FGFR1: variants seen among roughly 807,000 people sequenced by gnomAD.
FGFR1 encodes fibroblast growth factor receptor 1, also known as FGFR1/PLAG1 fusion.
In FGFR1, 18 loss-of-function variants were observed where a neutral mutation model predicts 93.7. The observed-to-expected ratio is 0.19, with a 90% CI of 0.13 to 0.28. FGFR1 has a LOEUF of 0.28. Among genes scored for constraint, FGFR1 ranks in the 10% least tolerant of loss-of-function variants. FGFR1 has a pLI of 1.00. For synonymous variants in FGFR1, 448 were observed against 429.3 expected (o/e 1.04, Z -0.54); for missense variants, 731 against 1,080.4 (o/e 0.68, Z 4.53).
Position 38,413,766 on chromosome 8 carries a change from G to C in FGFR1, c.2331C>G (p.Ser777=), listed in dbSNP as rs763571736. 30 of 1,614,118 alleles carry C rather than the reference G, an allele frequency of 1.9e-5. No homozygotes were observed. In the Admixed American group the frequency reaches 4.7e-4, roughly 25 times the overall value. ...AGCTCCGGGTGTCGGGAAAGCTGGGGGAGTACTGGTCCAGGGGCATGGACA... is the reference window on the plus strand; with the variant it reads ...AGCTCCGGGTGTCGGGAAAGCTGGGCGAGTACTGGTCCAGGGGCATGGACA... ...LDLSMPLDQY[S]PSFPDTRSST... The change falls in exon 18 of 18, where the codon TCC becomes TCG. Residue 777 remains serine, a synonymous_variant. Coordinates refer to ENST00000447712, the MANE Select transcript of FGFR1 (RefSeq NM_023110.3). This position sits in a 1 kb window ranked among gnomAD's most constrained non-coding sequence, Gnocchi z 4.2.
At chr8:38,425,909 C>T in intron 6 of FGFR1, 1 of 635,840 alleles carries the variant, frequency 1.6e-6, no homozygotes, top group Non-Finnish European at 2.8e-6. Flanking sequence ...TGACAACCAG[C>T]TTTGACCGTG....
At chr8:38,415,776 A>G in intron 13 of FGFR1, 94 bp downstream of exon 13, 2 of 1,287,936 alleles carry the variant, frequency 1.6e-6, no homozygotes, top group East Asian at 2.4e-5. Context: ...GTGCATCCAC[A>G]ACGCCACCAC....
intron 1 of FGFR1, among the ~76,000 whole-genome samples, chr8:38,458,496 G>A (rs1247735684): frequency 3.3e-5 from 5 of 152,060 alleles, no homozygotes; most frequent in African/African-American, 1.2e-4. Flanking sequence ...AGCCGAGATC[G>A]CAGCACTGCA....
In FGFR1 at chr8:38,416,035, A is replaced by G. The variant is rs2150591250; in HGVS notation, c.1689T>C (p.Tyr563=). Residue 563 remains tyrosine (Y), a synonymous_variant, in exon 13 of 18, where the codon TAT becomes TAC. Coordinates refer to ENST00000447712, the MANE Select transcript of FGFR1 (RefSeq NM_023110.3). ...ACTCCCGCAGGTTGCCCTTGGAGGC[A>G]TACTCCACGATGACATACAAGGGAC... is the stretch of plus-strand genomic sequence containing the variant. ...QDGPLYVIVE[Y]ASKGNLREYL... The G allele has an allele frequency of 6.2e-7, 1 of 1,613,256 alleles. No individual in the cohort carries two copies. The highest frequency in any genetic ancestry group is 8.5e-7 in the Non-Finnish European group (1 of 1,179,872).
chr8:38,446,623 C>T (rs1266424457), intron 2 of FGFR1, among the ~76,000 whole-genome samples: 2 of 151,990 alleles, frequency 1.3e-5, no homozygotes, highest in African/African-American at 4.8e-5. Context: ...CCATGTTGCC[C>T]AAGCGGGTCT....
chr8:38,455,038 T>C (rs937208999), intron 2 of FGFR1, among the ~76,000 whole-genome samples: 1 of 147,190 alleles, frequency 6.8e-6, no homozygotes, highest in Non-Finnish European at 1.5e-5. Context: ...TGAAGCGGTG[T>C]GATCATGGCT....
rs1815807373 is a variant in FGFR1 at position 38,414,864 on chromosome 8, A to G, written c.1892T>C (p.Val631Ala). Residue 631 changes from valine to alanine, a missense_variant, in exon 14 of 18, where the codon GTG becomes GCG. Val to Ala is a moderately conservative substitution (Grantham distance 64). This residue lies in a region of FGFR1 where 44 missense variants were observed against 99.9 expected (regional missense o/e 0.44). Transcript: ENST00000447712. ...HRDLAARNVL[V>A]TEDNVMKIAD... ...TATCTTCATCACATTGTCCTCTGTC[A>G]CCAGGACATTCCTGGCTGCCAGGTC... 1.2e-6 allele frequency: 2 copies of G among 1,612,652 alleles called. No individual in the cohort carries two copies. Among genetic ancestry groups the G allele is most frequent in the Non-Finnish European group, 1.7e-6 (2 of 1,179,854 alleles).
chr8:38,464,488 T>G lies in FGFR1; in HGVS notation c.-89+3493A>C, dbSNP rs148590599. ...GGAGAGGGCCCTAAACATGGTTTCT[T>G]TCATTGCAGGGGAGAGATAAATGGT... On this transcript the variant is annotated intron_variant, in intron 1 of 17. Coordinates refer to ENST00000447712, the MANE Select transcript of FGFR1 (RefSeq NM_023110.3). 2.3e-3 allele frequency among the ~76,000 whole-genome samples: 343 copies of G among 152,234 alleles called. 4 individuals carry two copies. Among genetic ancestry groups the G allele is most frequent in the Non-Finnish European group, 3.1e-3 (209 of 68,004 alleles).
In FGFR1 at chr8:38,412,703, ACCCT is replaced by A. The variant is rs1411085275; in HGVS notation, c.*921_*924del. On this transcript the variant is annotated 3_prime_UTR_variant, in exon 18 of 18. Coordinates refer to ENST00000447712, the MANE Select transcript of FGFR1 (RefSeq NM_023110.3). Reference sequence around the variant, plus strand: ...TCCCTTCTTTCCAGTGGACATTCCCACCCTTTTCATACAGCCCATAGATAAATGA... The same window carrying A: ...TCCCTTCTTTCCAGTGGACATTCCCATTTCATACAGCCCATAGATAAATGA... 1 of 233,176 alleles carries A rather than the reference ACCCT, an allele frequency of 4.3e-6. No homozygotes were observed. Among genetic ancestry groups the A allele is most frequent in the Admixed American group, 5.6e-5 (1 of 17,764 alleles). The allele number at this position is 233,176 out of a possible 1,614,324, so 14.4% of individuals were successfully genotyped here.
chr8:38,420,924 A>G (rs567375975), intron 8 of FGFR1, among the ~76,000 whole-genome samples: 1 of 152,212 alleles, frequency 6.6e-6, no homozygotes, highest in African/African-American at 2.4e-5. Context: ...TTGGGAGCAC[A>G]TGGGGAGCAC....
intron 2 of FGFR1, among the ~76,000 whole-genome samples, chr8:38,432,820 T>C (rs561898965): frequency 5.9e-5 from 9 of 151,856 alleles, no homozygotes; most frequent in African/African-American, 1.7e-4. Flanking sequence ...TCCACATCCC[T>C]GCCTCACCTT....
At chr8:38,441,212 G>A (rs1827343106) in intron 2 of FGFR1, among the ~76,000 whole-genome samples, 1 of 152,186 alleles carries the variant, frequency 6.6e-6, no homozygotes, top group Non-Finnish European at 1.5e-5. Flanking sequence ...AAAGGATAAC[G>A]CAGCCTGAGA....
rs4647905 is a variant in FGFR1, at chr8:38,415,024, C to G, written c.1855-123G>C. ...GAACTTCTGCCACACTGCTCTGCCC[C>G]CCGAACCTTTGCTTTCCCTCTTCTA... On this transcript the variant is annotated intron_variant, in intron 13 of 17. Coordinates refer to ENST00000447712, the MANE Select transcript of FGFR1 (RefSeq NM_023110.3). 147,727 of 730,200 alleles carry G rather than the reference C, an allele frequency of 0.2. 15,996 individuals carry two copies. The highest frequency in any genetic ancestry group is 0.31 in the East Asian group (11,648 of 37,358). 45.2% of individuals were successfully genotyped at this position (730,200 alleles called of 1,614,324 possible).
intron 1 of FGFR1, 158 bp downstream of exon 1, chr8:38,467,823 G>A: frequency 4.3e-6 from 1 of 232,600 alleles, no homozygotes; most frequent in Non-Finnish European, 8.5e-6. Context: ...GATCGCCCGG[G>A]AGGGAGCCAG....
rs193226682 is a variant in FGFR1 at position 38,432,343 on chromosome 8, G to A, written c.92-2395C>T. On this transcript the variant is annotated intron_variant, in intron 2 of 17. Coordinates refer to ENST00000447712, the MANE Select transcript of FGFR1 (RefSeq NM_023110.3). ...TCCTCCTGATGCAAGTTTAGACCCC[G>A]GTTCCCTTCCAAACGTGGCTCAGGT... is the stretch of plus-strand genomic sequence containing the variant. Among the ~76,000 whole-genome samples the A allele has an allele frequency of 1.1e-4, 16 of 151,968 alleles. No homozygotes were observed. The East Asian group carries it at 2.7e-3, about 26-fold the overall frequency.
chr8:38,450,556 T>G (rs1013507576), intron 2 of FGFR1, among the ~76,000 whole-genome samples: 1 of 152,144 alleles, frequency 6.6e-6, no homozygotes, highest in African/African-American at 2.4e-5. Context: ...TGCTTCTGCC[T>G]GGCCAGGAGC....
At chr8:38,414,933 G>A (rs2150566974) in intron 13 of FGFR1, 32 bp from the exon 14 acceptor site, 1 of 1,594,150 alleles carries the variant, frequency 6.3e-7, no homozygotes, top group Non-Finnish European at 8.6e-7. Context: ...GCGGGAGGCG[G>A]GGAGGTGAGG....
In FGFR1 at chr8:38,412,978, C is replaced by T. The variant is rs1383938043; in HGVS notation, c.*650G>A. ...ATGTAAATATATACTCAGATTTATA[C>T]ACTTTGTGTTTTCTTCATAGCTATA... On this transcript the variant is annotated 3_prime_UTR_variant, in exon 18 of 18. Transcript: ENST00000447712. The T allele has an allele frequency of 4.3e-6, 1 of 233,384 alleles. No individual in the cohort carries two copies. The highest frequency in any genetic ancestry group is 8.5e-6 in the Non-Finnish European group (1 of 117,924). The allele number at this position is 233,384 out of a possible 1,614,324, so 14.5% of individuals were successfully genotyped here.
chr8:38,419,276 CA>C lies in FGFR1; in HGVS notation c.1284+256del, dbSNP rs17176009. 0.042 allele frequency among the ~76,000 whole-genome samples: 6,405 copies of C among 152,264 alleles called. 223 individuals are homozygous for C. The highest frequency in any genetic ancestry group is 0.1 in the Admixed American group (1,526 of 15,294). On this transcript the variant is annotated intron_variant, in intron 9 of 17. Coordinates refer to ENST00000447712, the MANE Select transcript of FGFR1 (RefSeq NM_023110.3). ...CATGCTATTGGCTGCACATTCTGTC[CA>C]AATAGGACTTCCTCCCAATCCATGT...
Sources: gnomAD v4.1 joint callset for allele counts (sites outside exome capture counted in the v4.1 genomes callset) on GRCh38, gnomAD v4.1.1 for gene constraint, gnomAD v4.1.1 regional missense constraint, Gnocchi (gnomAD v3.1) non-coding constraint, MANE v1.5 for transcripts, NCBI Gene and HGNC (gene_info 2026-07-23, HGNC 2026-07-21) for gene names.